LAMA5: variants seen among roughly 807,000 people sequenced by gnomAD.
The protein encoded by LAMA5 is laminin subunit alpha-5.
LAMA5 carries 260 observed loss-of-function variants against 433.4 expected under a neutral mutation model. That is an observed-to-expected ratio of 0.60 (90% CI 0.54 to 0.66). The LOEUF is 0.66. Ranked by LOEUF, LAMA5 falls within the 30% of genes least tolerant of loss-of-function variation. The pLI is 0.00. For synonymous variants in LAMA5, 2,620 were observed against 2,226.6 expected, an observed-to-expected ratio of 1.18 and a Z score of -4.97; for missense variants, 5,378 against 5,258.5, an observed-to-expected ratio of 1.02 and a Z score of -0.70.
In LAMA5 at chr20:62,314,506, T is replaced by C. The variant is rs1175608226; in HGVS notation, c.8367+49A>G. ...GACCAGGGACCAGGCACCGCTCATT[T>C]CCAAACAGAGCCTGAGCTCGGGCCG... On this transcript the variant is annotated intron_variant, in intron 61 of 79. Coordinates refer to ENST00000252999, the MANE Select transcript of LAMA5 (RefSeq NM_005560.6). The C allele has an allele frequency of 2.5e-6, 4 of 1,608,232 alleles. No individual in the cohort carries two copies. In the African/African-American group the frequency reaches 5.3e-5, roughly 22 times the overall value.
chr20:62,330,803 T>C lies in LAMA5; in HGVS notation c.3792A>G (p.Arg1264=). The C allele has an allele frequency of 1.3e-6, 2 of 1,557,756 alleles. No homozygotes were observed. The highest frequency in any genetic ancestry group is 1.7e-4 in the Middle Eastern group (1 of 5,978). Residue 1264 remains arginine (R), a synonymous_variant, in exon 30 of 80, where the codon CGA becomes CGG. Coordinates refer to ENST00000252999, the MANE Select transcript of LAMA5 (RefSeq NM_005560.6). ...LTPAMSPAGP[R]PRPPTAVDPD... ...GGTCCACAGCGGTGGGGGGCCGAGG[T>C]CGGGGTCCAGCTGGGGACATGGCTG...
At position 62,317,520 on chromosome 20, in the gene LAMA5, G is replaced by A. The variant is rs377457766; in HGVS notation, c.7357-21C>T. ...AGCTCCTGGAATTTGAGTGGACTTA[G>A]CCCCTCATCCTGCTCACAGCCACCT... On this transcript the variant is annotated intron_variant, in intron 54 of 79. Coordinates refer to ENST00000252999, the MANE Select transcript of LAMA5 (RefSeq NM_005560.6). 1,886 of 1,537,136 alleles carry A rather than the reference G, an allele frequency of 1.2e-3. 5 individuals are homozygous for A. The highest frequency in any genetic ancestry group is 9.0e-4 in the Non-Finnish European group (1,021 of 1,138,462).
intron 11 of LAMA5, among the ~76,000 whole-genome samples, chr20:62,338,968 C>T (rs570383982): frequency 1.5e-4 from 22 of 146,552 alleles, no homozygotes; most frequent in Middle Eastern, 3.7e-3. Flanking sequence ...TCCTGGGAGG[C>T]GGAGGTTGCA....
intron 11 of LAMA5, among the ~76,000 whole-genome samples, chr20:62,344,037 G>A (rs1168980143): frequency 6.6e-6 from 1 of 151,264 alleles, no homozygotes. Flanking sequence ...CCAGCTACTC[G>A]GTAGACTGAA....
At position 62,332,458 on chromosome 20, in the gene LAMA5, G is replaced by A. The variant is rs773594337; in HGVS notation, c.3466C>T (p.Arg1156Trp). ...ACAGCCAGGTGGTCCTGGGTATCCC[G>A]GGCAGTGCCCCGGCACAGGGTGCTG... ...LYSTLCRGTA[R>W]DTQDHLAVFH... Residue 1156 changes from arginine (R) to tryptophan (W), a missense_variant, in exon 28 of 80, where the codon CGG becomes TGG. Coordinates refer to ENST00000252999, the MANE Select transcript of LAMA5 (RefSeq NM_005560.6). The A allele has an allele frequency of 2.2e-5, 35 of 1,612,456 alleles. No individual in the cohort carries two copies. The highest frequency in any genetic ancestry group is 2.9e-5 in the Non-Finnish European group (34 of 1,179,898).
Position 62,312,156 on chromosome 20 carries a change from C to T in LAMA5, c.9504+17G>A, listed in dbSNP as rs546758783. On this transcript the variant is annotated intron_variant, in intron 69 of 79. Coordinates refer to ENST00000252999, the MANE Select transcript of LAMA5 (RefSeq NM_005560.6). ...GCCACCGCGGGGTGGGGAATGGGCA[C>T]GGGTGTGAGGTCTCACCGGGGACGC... The T allele has an allele frequency of 3.8e-5, 62 of 1,610,538 alleles. 1 individual carries two copies. In the Admixed American group the frequency reaches 6.9e-4, roughly 18 times the overall value.
chr20:62,312,932 C>T lies in LAMA5; in HGVS notation c.9034G>A (p.Val3012Ile), dbSNP rs141366753. The T allele has an allele frequency of 1.2e-4, 189 of 1,580,244 alleles. No individual in the cohort carries two copies. The highest frequency in any genetic ancestry group is 1.2e-3 in the African/African-American group (89 of 74,474). The change falls in exon 66 of 80, where the codon GTC (valine) becomes ATC (isoleucine). Residue 3012 changes from valine (V) to isoleucine (I), a missense_variant. Val to Ile is a conservative substitution (Grantham distance 29). Transcript: ENST00000252999. ...YDFGAGLKKAVPLQPPPPLTS... is the reference protein window; with the variant it reads ...YDFGAGLKKAIPLQPPPPLTS... The stretch of plus-strand genomic sequence containing the variant: ...AGGGGCGGTGGGGGCTGCAGTGGGA[C>T]GGCCTTTTTCAGGCCAGCCCCAAAG...
rs1031745017 is a variant in LAMA5, at chr20:62,311,671, G to C, written c.9749C>G (p.Pro3250Arg). ...GAAGTTGTAAATGGTGCCAGACTCA[G>C]GCAGGCCTCCCAGGAGGAGCCTCGG... ...GPPRLLLGGL[P>R]ESGTIYNFSG... Residue 3250 changes from proline (P) to arginine (R), a missense_variant, in exon 71 of 80, where the codon CCT becomes CGT. Pro to Arg is a moderately radical substitution (Grantham distance 103). Coordinates refer to ENST00000252999, the MANE Select transcript of LAMA5 (RefSeq NM_005560.6). The C allele has an allele frequency of 6.3e-7, 1 of 1,594,350 alleles. No homozygotes were observed. The highest frequency in any genetic ancestry group is 1.3e-5 in the African/African-American group (1 of 74,646).
Position 62,334,303 on chromosome 20 carries a change from C to G in LAMA5, c.2622G>C (p.Leu874=). The G allele has an allele frequency of 6.2e-7, 1 of 1,610,320 alleles. No individual in the cohort carries two copies. Among genetic ancestry groups the G allele is most frequent in the Non-Finnish European group, 8.5e-7 (1 of 1,178,864 alleles). ...RDHYLPDLHH[L]RLELEEAATP... The stretch of plus-strand genomic sequence containing the variant: ...TGGCAGCCTCCTCCAGCTCCAGGCG[C>G]AGGTGGTGCAGGTCCGGGAGGTAGT... Residue 874 remains leucine (L), a synonymous_variant, in exon 22 of 80, where the codon CTG becomes CTC. Transcript: ENST00000252999.
At chr20:62,332,212 C>A (rs75496362) in intron 28 of LAMA5, among the ~76,000 whole-genome samples, 160 bp downstream of exon 28, 2,198 of 152,278 alleles carry the variant, frequency 0.014, 62 homozygotes, top group African/African-American at 0.049. Context: ...CCACAAAACG[C>A]TTGCAGGAGG....
chr20:62,311,570 G>A (rs1420474123), intron 71 of LAMA5, 34 bp from the exon 72 acceptor site: 3 of 1,610,042 alleles, frequency 1.9e-6, no homozygotes, highest in Non-Finnish European at 2.5e-6. Flanking sequence ...AGCAGCTGCG[G>A]AAGGCCAGCT....
chr20:62,336,238 G>A (rs906529801), intron 18 of LAMA5, 102 bp downstream of exon 18: 3 of 787,256 alleles, frequency 3.8e-6, no homozygotes, highest in Admixed American at 5.3e-5. Context: ...ACTGGCTCCA[G>A]CCCCTCCAGG....
chr20:62,311,128 CCT>C, intron 73 of LAMA5, 32 bp downstream of exon 73: 3 of 1,562,962 alleles, frequency 1.9e-6, no homozygotes, highest in South Asian at 1.2e-5. Flanking sequence ...CTGCGCGGCC[CCT>C]CTCAGCCCAC....
Position 62,322,405 on chromosome 20 carries a change from A to T in LAMA5, c.6210T>A (p.Cys2070Ter). The change falls in exon 47 of 80, where the codon TGT becomes TGA. Residue 2070 changes from cysteine to a stop codon, truncating the protein, a stop_gained. Coordinates refer to ENST00000252999, the MANE Select transcript of LAMA5 (RefSeq NM_005560.6). LOFTEE classifies it high-confidence loss of function. ...AGCCCTCGGCGGCCGGTCCACAAGCACACGGGCGGCAGCCCCCGCAGCCAT... is the reference window on the plus strand; with the variant it reads ...AGCCCTCGGCGGCCGGTCCACAAGCTCACGGGCGGCAGCCCCCGCAGCCAT... ...GFDGCGGCRP[C>*]ACGPAAEGSE... The T allele has an allele frequency of 6.3e-7, 1 of 1,593,988 alleles. No homozygotes were observed. Among genetic ancestry groups the T allele is most frequent in the Middle Eastern group, 1.7e-4 (1 of 6,022 alleles).
Position 62,311,709 on chromosome 20 carries a change from C to T in LAMA5, c.9711G>A (p.Gln3237=). ...HRGPPPELQP[Q]PEGPPRLLLG... The stretch of plus-strand genomic sequence containing the variant: ...GGAGGAGCCTCGGGGGCCCCTCAGG[C>T]TGCGGCTGGAGCTCGGGGGGTGGTC... Residue 3237 remains glutamine (Q), a synonymous_variant, in exon 71 of 80, where the codon CAG becomes CAA. Coordinates refer to ENST00000252999, the MANE Select transcript of LAMA5 (RefSeq NM_005560.6). The T allele has an allele frequency of 1.3e-6, 2 of 1,569,690 alleles. No homozygotes were observed. Among genetic ancestry groups the T allele is most frequent in the Non-Finnish European group, 1.7e-6 (2 of 1,158,466 alleles).
chr20:62,338,129 C>T lies in LAMA5; in HGVS notation c.1778G>A (p.Gly593Glu). The T allele has an allele frequency of 1.3e-6, 2 of 1,590,226 alleles. No individual in the cohort carries two copies. The highest frequency in any genetic ancestry group is 1.7e-6 in the Non-Finnish European group (2 of 1,167,522). ...CTCATCGCAGCCCTCGGGCAAGGTT[C>T]CTGCAGGGCTGCAGCCACACACTGC... ...LCQLCGCSPA[G>E]TLPEGCDEAG... The change falls in exon 14 of 80, where the codon GGA becomes GAA. Residue 593 changes from glycine to glutamate, a missense_variant. Coordinates refer to ENST00000252999, the MANE Select transcript of LAMA5 (RefSeq NM_005560.6).
At position 62,328,257 on chromosome 20, in the gene LAMA5, C is replaced by T. The variant is rs762756831; in HGVS notation, c.4636G>A (p.Asp1546Asn). ...GGCTCTCACTTGCACTGGCCGCTGT[C>T]TGTGTCACAGGTAGGGTCTGTGAGC... Reference protein sequence around the residue: ...QELTDPTCDTDSGQCKCRPNV... With the variant: ...QELTDPTCDTNSGQCKCRPNV... Residue 1546 changes from aspartate (D) to asparagine (N), a missense_variant, in exon 35 of 80, where the codon GAC becomes AAC. Asp to Asn is a conservative substitution (Grantham distance 23). Transcript: ENST00000252999. 1 of 1,606,748 alleles carries T rather than the reference C, an allele frequency of 6.2e-7. No individual in the cohort carries two copies. Among genetic ancestry groups the T allele is most frequent in the Non-Finnish European group, 8.5e-7 (1 of 1,177,106 alleles).
rs757196049 is a variant in LAMA5 at position 62,330,618 on chromosome 20, C to CGGTG, written c.3853-5_3853-4insCACC. 6 of 1,588,294 alleles carry CGGTG rather than the reference C, an allele frequency of 3.8e-6. No homozygotes were observed. The highest frequency in any genetic ancestry group is 4.3e-6 in the Non-Finnish European group (5 of 1,168,930). ...GGGTGGTGAAGACCACGGTGGCCTG[C>CGGTG]AGGGATAGGCCCTAGTGAGCAGGCT... On this transcript the variant is annotated splice_region_variant and splice_polypyrimidine_tract_variant and intron_variant, in intron 30 of 79. Coordinates refer to ENST00000252999, the MANE Select transcript of LAMA5 (RefSeq NM_005560.6).
rs527555765 is a variant in LAMA5 at position 62,332,544 on chromosome 20, G to A, written c.3443+13C>T. ...GGCGTGCCCTTACTCCAGCCCCACC[G>A]GCTCCCACTCACCTGTACAGGCAGG... On this transcript the variant is annotated intron_variant, in intron 27 of 79. Coordinates refer to ENST00000252999, the MANE Select transcript of LAMA5 (RefSeq NM_005560.6). 100 of 1,600,156 alleles carry A rather than the reference G, an allele frequency of 6.2e-5. No individual in the cohort carries two copies. Among genetic ancestry groups the A allele is most frequent in the East Asian group, 9.0e-5 (4 of 44,358 alleles).
Sources: gnomAD v4.1 joint callset for allele counts (sites outside exome capture counted in the v4.1 genomes callset) on GRCh38, gnomAD v4.1.1 for gene constraint, MANE v1.5 for transcripts, NCBI Gene and HGNC (gene_info 2026-07-23, HGNC 2026-07-21) for gene names.